The following NEGR1 variants were observed in gnomAD, a reference collection of about 807,000 sequenced individuals.
The protein encoded by NEGR1 is neuronal growth regulator 1.
Under a neutral mutation model 40.9 loss-of-function variants are expected in NEGR1, and 10 were observed. That is an observed-to-expected ratio of 0.24 (90% confidence interval 0.15 to 0.42). NEGR1 has a LOEUF of 0.42. Among genes scored for constraint, NEGR1 ranks in the 10% least tolerant of loss-of-function variants. The pLI is 1.00. For synonymous variants in NEGR1, 185 were observed against 166.8 expected (o/e 1.11, Z -0.84); for missense variants, 352 against 438.9 (o/e 0.80, Z 1.77).
chr1:71,686,301 A>G (rs1473421468), intron 4 of NEGR1, among the ~76,000 whole-genome samples: 1 of 152,102 alleles, frequency 6.6e-6, no homozygotes, highest in East Asian at 1.9e-4. Context: ...TGAGGCAACA[A>G]AAAAAGTTTG....
chr1:72,077,455 G>C (rs1441715166), intron 1 of NEGR1, among the ~76,000 whole-genome samples: 3 of 151,926 alleles, frequency 2.0e-5, no homozygotes, highest in Non-Finnish European at 4.4e-5. Context: ...TCAAACCTTT[G>C]CCATCTCAGG....
intron 3 of NEGR1, among the ~76,000 whole-genome samples, chr1:71,745,616 A>C (rs1655356622): frequency 6.6e-6 from 1 of 152,100 alleles, no homozygotes; most frequent in East Asian, 1.9e-4. Context: ...GGACTGTAAA[A>C]ATTTTGGGAA....
intron 6 of NEGR1, among the ~76,000 whole-genome samples, chr1:71,445,201 A>G (rs536066348): frequency 6.6e-6 from 1 of 152,286 alleles, no homozygotes; most frequent in Middle Eastern, 3.4e-3. Flanking sequence ...AGTTGGGGTT[A>G]AGACTTATCA....
At chr1:71,791,533 C>A (rs1657118250) in intron 2 of NEGR1, among the ~76,000 whole-genome samples, 1 of 151,890 alleles carries the variant, frequency 6.6e-6, no homozygotes, top group Admixed American at 6.6e-5. Context: ...CCAACTTTTA[C>A]CTATATATAA....
chr1:71,565,053 C>G (rs1648576682), intron 6 of NEGR1, among the ~76,000 whole-genome samples: 1 of 152,090 alleles, frequency 6.6e-6, no homozygotes, highest in African/African-American at 2.4e-5. Flanking sequence ...AGAATCAGTA[C>G]TGAGATCCTC....
chr1:71,578,071 C>A (rs148325354), intron 6 of NEGR1, among the ~76,000 whole-genome samples: 9 of 152,086 alleles, frequency 5.9e-5, no homozygotes, highest in African/African-American at 2.2e-4. Flanking sequence ...ATAAAGGCTG[C>A]GATACTTCTT....
At chr1:72,220,262 C>T (rs2199337) in intron 1 of NEGR1, among the ~76,000 whole-genome samples, 1,968 of 152,052 alleles carry the variant, frequency 0.013, 43 homozygotes, top group African/African-American at 0.045. Context: ...AATTCTCTCT[C>T]TCTCTCTCCC....
intron 5 of NEGR1, among the ~76,000 whole-genome samples, chr1:71,605,691 G>A (rs917520799): frequency 6.6e-6 from 1 of 152,100 alleles, no homozygotes. Context: ...ACCTTCTACA[G>A]TATTGAGGAA....
chr1:71,905,920 A>T (rs1314579381), intron 2 of NEGR1, among the ~76,000 whole-genome samples: 1 of 151,918 alleles, frequency 6.6e-6, no homozygotes. Context: ...TTTCCTATGT[A>T]AGCAAAGTGA....
At chr1:72,131,652 T>G (rs1167850763) in intron 1 of NEGR1, among the ~76,000 whole-genome samples, 1 of 152,152 alleles carries the variant, frequency 6.6e-6, no homozygotes, top group Admixed American at 6.5e-5. Context: ...AGCGTAAAAA[T>G]ACATCTAATA....
intron 4 of NEGR1, among the ~76,000 whole-genome samples, chr1:71,639,956 A>G (rs1305748301): frequency 2.6e-5 from 4 of 152,046 alleles, no homozygotes; most frequent in African/African-American, 9.7e-5. Flanking sequence ...TTGCAAACAA[A>G]TATCCATGGA....
At chr1:71,578,297 C>T (rs1162071562) in intron 6 of NEGR1, among the ~76,000 whole-genome samples, 2 of 152,044 alleles carry the variant, frequency 1.3e-5, no homozygotes, top group African/African-American at 4.8e-5. Flanking sequence ...AAACAAAAAA[C>T]AACTAACATG....
chr1:71,513,435 G>A (rs570674705), intron 6 of NEGR1, among the ~76,000 whole-genome samples: 51 of 152,194 alleles, frequency 3.4e-4, no homozygotes, highest in African/African-American at 1.2e-3. Context: ...AATTGGATAA[G>A]GGACTCTTGC....
chr1:72,071,388 T>G (rs972914739), intron 1 of NEGR1, among the ~76,000 whole-genome samples: 1 of 152,100 alleles, frequency 6.6e-6, no homozygotes, highest in African/African-American at 2.4e-5. Flanking sequence ...AAATATTCAA[T>G]TTAATGGCAA....
intron 6 of NEGR1, among the ~76,000 whole-genome samples, chr1:71,491,354 T>C (rs1355576881): frequency 6.6e-6 from 1 of 151,998 alleles, no homozygotes; most frequent in Non-Finnish European, 1.5e-5. Flanking sequence ...ACCATTCCCC[T>C]GAGGATACCA....
chr1:71,837,393 C>G (rs542086665), intron 2 of NEGR1, among the ~76,000 whole-genome samples: 27 of 152,116 alleles, frequency 1.8e-4, no homozygotes, highest in African/African-American at 6.5e-4. Context: ...AAATATAGAT[C>G]CCTCTCATTC....
chr1:72,219,777 C>T (rs1449077558), intron 1 of NEGR1, among the ~76,000 whole-genome samples: 2 of 152,042 alleles, frequency 1.3e-5, no homozygotes, highest in Non-Finnish European at 2.9e-5. Flanking sequence ...AGTGCATGGA[C>T]ATAACTATCT....
At chr1:72,140,046 T>G (rs537272464) in intron 1 of NEGR1, among the ~76,000 whole-genome samples, 1 of 152,176 alleles carries the variant, frequency 6.6e-6, no homozygotes, top group East Asian at 1.9e-4. Flanking sequence ...CATAAAAGAT[T>G]AAATGGTCAG....
chr1:71,582,337 A>G (rs1649167693), intron 6 of NEGR1, among the ~76,000 whole-genome samples: 1 of 152,180 alleles, frequency 6.6e-6, no homozygotes. Context: ...CTTATAAAAT[A>G]TTTTGGAAAG....
Sources: allele counts gnomAD v4.1 joint callset (sites outside exome capture counted in the v4.1 genomes callset), GRCh38; gene constraint gnomAD v4.1.1; transcripts MANE v1.5; gene names NCBI Gene and HGNC (gene_info 2026-07-23, HGNC 2026-07-21).